IL17REL: variants seen among roughly 807,000 people sequenced by gnomAD.
The protein encoded by IL17REL is interleukin 17 receptor E like, also known as interleukin-17 receptor E-like protein.
A neutral mutation model predicts 49.0 loss-of-function variants in IL17REL; 36 were observed. The observed-to-expected ratio is 0.73, with a 90% CI of 0.56 to 0.97. IL17REL has a LOEUF of 0.97. Ranked by LOEUF, IL17REL falls within the 50% of genes least tolerant of loss-of-function variation. IL17REL has a pLI of 0.00. For synonymous variants in IL17REL, 206 were observed against 192.4 expected (o/e 1.07, Z -0.58); for missense variants, 470 against 453.9 (o/e 1.04, Z -0.32).
exon 6 of IL17REL, chr22:49,999,441 A>G: frequency 6.2e-7 from 1 of 1,612,112 alleles, no homozygotes; most frequent in Admixed American, 1.7e-5. Flanking sequence ...CTCCAGGCAC[A>G]GGCACGGCAG....
chr22:50,005,332 T>C (rs1319778023), intron 1 of IL17REL, among the ~76,000 whole-genome samples: 1 of 152,080 alleles, frequency 6.6e-6, no homozygotes, highest in East Asian at 1.9e-4. Flanking sequence ...CCACAGAGTC[T>C]TACTGAAAAA....
chr22:50,002,499 T>TC (rs1175292706), intron 1 of IL17REL, among the ~76,000 whole-genome samples: 142 of 146,966 alleles, frequency 9.7e-4, no homozygotes, highest in African/African-American at 2.8e-3. Context: ...TCTTTTCTTT[T>TC]TTTTTTTTTT....
At chr22:50,000,765 C>T (rs9617090) in exon 3 of IL17REL, 622,970 of 1,588,120 alleles carry the variant, frequency 0.39, 128,422 homozygotes, top group Non-Finnish European at 0.43. Flanking sequence ...TGCTGCCCCC[C>T]CTGCTGCCGG....
At chr22:49,992,788 T>C (rs1485785087), downstream of IL17REL, among the ~76,000 whole-genome samples, 1 of 152,108 alleles carries the variant, frequency 6.6e-6, no homozygotes, top group Non-Finnish European at 1.5e-5. Flanking sequence ...TGGTTAATTT[T>C]TGTATTTTTA....
intron 7 of IL17REL, 106 bp downstream of exon 9, chr22:49,999,185 C>T: frequency 2.9e-6 from 4 of 1,365,070 alleles, no homozygotes; most frequent in Non-Finnish European, 4.2e-6. Context: ...GGGATTTAGG[C>T]TGGGCCTGCT....
chr22:50,010,415 G>A (rs1402106646), upstream of IL17REL, among the ~76,000 whole-genome samples: 1 of 152,246 alleles, frequency 6.6e-6, no homozygotes, highest in Non-Finnish European at 1.5e-5. Flanking sequence ...GGGCACAGAG[G>A]GAGCGGCGGA....
exon 13 of IL17REL, chr22:49,996,551 G>C (rs2061035528): frequency 6.4e-6 from 1 of 155,478 alleles, no homozygotes; most frequent in South Asian, 2.0e-4. Flanking sequence ...GAGGAGGCAA[G>C]GCCAGTGACA....
chr22:49,997,899 G>T, intron 9 of IL17REL, 126 bp downstream of exon 11: 1 of 1,409,752 alleles, frequency 7.1e-7, no homozygotes, highest in Non-Finnish European at 9.9e-7. Context: ...GACCAGGAGG[G>T]GGCTCTGAGG....
chr22:50,000,825 C>T (rs370154493), exon 3 of IL17REL: 1 of 1,600,202 alleles, frequency 6.2e-7, no homozygotes, highest in Non-Finnish European at 8.5e-7. Flanking sequence ...TCCTGGGTGT[C>T]CAGGCTCATG....
intron 1 of IL17REL, among the ~76,000 whole-genome samples, chr22:50,004,807 A>G (rs934178103): frequency 6.6e-6 from 1 of 150,550 alleles, no homozygotes; most frequent in Non-Finnish European, 1.5e-5. Context: ...AGAAGAGATC[A>G]TGCCACTGCA....
At chr22:49,997,715 G>A (rs1328267897) in exon 10 of IL17REL, 12 of 1,613,806 alleles carry the variant, frequency 7.4e-6, no homozygotes, top group South Asian at 4.4e-5. Context: ...AAAGGGCACC[G>A]CACCCAGGAC....
exon 10 of IL17REL, chr22:49,997,722 G>A (rs2061045710): frequency 1.9e-6 from 3 of 1,613,860 alleles, no homozygotes; most frequent in Non-Finnish European, 2.5e-6. Flanking sequence ...ACCGCACCCA[G>A]GACCCCCAAC....
chr22:49,997,892 C>T (rs1455577415), intron 9 of IL17REL, 133 bp downstream of exon 11: 10 of 1,405,022 alleles, frequency 7.1e-6, no homozygotes, highest in Admixed American at 1.9e-5. Flanking sequence ...ACTGTCAGAC[C>T]AGGAGGGGGC....
Position 49,998,316 on chromosome 22 carries a change from G to A in IL17REL, c.602-7C>T. 1 of 1,594,222 alleles carries A rather than the reference G, an allele frequency of 6.3e-7. No homozygotes were observed. The highest frequency in any genetic ancestry group is 8.5e-7 in the Non-Finnish European group (1 of 1,170,988). ...ACCTCCAGTGCCTCAGTGTCTGCAG[G>A]AACCCTCCCCGAAACACAGGTCAGT... On this transcript the variant is annotated splice_region_variant and splice_polypyrimidine_tract_variant and intron_variant, in intron 7 of 12. Coordinates refer to ENST00000341280, the Ensembl canonical transcript of IL17REL.
At chr22:49,999,193 G>A in intron 7 of IL17REL, 98 bp downstream of exon 9, 3 of 1,428,830 alleles carry the variant, frequency 2.1e-6, no homozygotes, top group East Asian at 2.3e-5. Context: ...GGCTGGGCCT[G>A]CTCCTTATCT....
At chr22:50,000,698 G>A (rs2061073113) in intron 3 of IL17REL, 56 bp downstream of exon 4, 4 of 1,530,280 alleles carry the variant, frequency 2.6e-6, no homozygotes, top group Non-Finnish European at 2.7e-6. Flanking sequence ...TGGCGCCCAG[G>A]AGGAGTGGCG....
chr22:50,000,679 A>G (rs2061072934), intron 3 of IL17REL, 75 bp downstream of exon 4: 1 of 1,548,020 alleles, frequency 6.5e-7, no homozygotes, highest in South Asian at 1.1e-5. Context: ...TGGAGCTTAG[A>G]GCCAGGGATG....
exon 5 of IL17REL, chr22:49,999,897 C>A (rs908420897): frequency 1.6e-5 from 25 of 1,541,854 alleles, no homozygotes; most frequent in East Asian, 2.5e-5. Context: ...AGTCGGGGCT[C>A]CCGGAGGCCC....
chr22:49,992,810 GT>G (rs970427520), downstream of IL17REL, among the ~76,000 whole-genome samples: 2 of 152,102 alleles, frequency 1.3e-5, no homozygotes, highest in African/African-American at 4.8e-5. Flanking sequence ...TAGAGCTGGG[GT>G]TTCCCCATGT....
Sources: gnomAD v4.1 joint callset for allele counts (sites outside exome capture counted in the v4.1 genomes callset) on GRCh38, gnomAD v4.1.1 for gene constraint, MANE v1.5 for transcripts, NCBI Gene and HGNC (gene_info 2026-07-23, HGNC 2026-07-21) for gene names.